The following CLSTN2 variants were observed in gnomAD, a reference collection of about 807,000 sequenced individuals.
CLSTN2 encodes the protein calsyntenin 2, also known as calsyntenin-2.
A neutral mutation model predicts 101.2 loss-of-function variants in CLSTN2; 48 were observed. That is an observed-to-expected ratio of 0.47 (90% confidence interval 0.38 to 0.60). The LOEUF is 0.60. Ranked by LOEUF, CLSTN2 falls within the 20% of genes least tolerant of loss-of-function variation. The pLI is 0.00. For missense variants in CLSTN2, 1,160 were observed against 1,238.2 expected, an observed-to-expected ratio of 0.94 and a Z score of 0.95; for synonymous variants, 481 against 463.6, an observed-to-expected ratio of 1.04 and a Z score of -0.48.
intron 1 of CLSTN2, among the ~76,000 whole-genome samples, chr3:140,023,820 C>G (rs1317814475): frequency 2.0e-5 from 3 of 152,178 alleles, no homozygotes; most frequent in Non-Finnish European, 4.4e-5. Flanking sequence ...TGCTTCTTGG[C>G]AGGAGTCTGG....
intron 2 of CLSTN2, among the ~76,000 whole-genome samples, chr3:140,295,735 A>T (rs1198898322): frequency 6.6e-6 from 1 of 152,216 alleles, no homozygotes; most frequent in Non-Finnish European, 1.5e-5. Context: ...ACTCAGGACG[A>T]CCATTGCCTT....
chr3:140,124,872 A>C (rs2009404442), intron 1 of CLSTN2, among the ~76,000 whole-genome samples: 1 of 152,306 alleles, frequency 6.6e-6, no homozygotes, highest in South Asian at 2.1e-4. Context: ...GGGGACAAGG[A>C]CCAAGTCTTT....
chr3:140,179,850 A>G (rs1174158615), intron 2 of CLSTN2, among the ~76,000 whole-genome samples: 1 of 152,026 alleles, frequency 6.6e-6, no homozygotes, highest in Non-Finnish European at 1.5e-5. Flanking sequence ...ATGTGTCCAC[A>G]TTTCAGATTC....
chr3:140,170,733 C>A (rs1388140404), intron 1 of CLSTN2, among the ~76,000 whole-genome samples: 2 of 152,144 alleles, frequency 1.3e-5, no homozygotes, highest in Non-Finnish European at 2.9e-5. Context: ...TGTCACTGCC[C>A]AGCAAGCAGG....
chr3:140,283,807 T>C (rs1487914434), intron 2 of CLSTN2, among the ~76,000 whole-genome samples: 1 of 152,228 alleles, frequency 6.6e-6, no homozygotes, highest in African/African-American at 2.4e-5. Flanking sequence ...TAATGTTCTC[T>C]GCTCAATCAG....
At chr3:139,957,051 T>A (rs1935419251) in intron 1 of CLSTN2, among the ~76,000 whole-genome samples, 1 of 152,166 alleles carries the variant, frequency 6.6e-6, no homozygotes, top group Non-Finnish European at 1.5e-5. Flanking sequence ...ACTAGCAAGC[T>A]GACAGATTAA....
chr3:140,563,888 T>C (rs1559906163), intron 15 of CLSTN2, 73 bp from the exon 16 acceptor site: 2 of 1,470,212 alleles, frequency 1.4e-6, no homozygotes, highest in Non-Finnish European at 1.9e-6. Context: ...CACGGATGTT[T>C]CATTCATGCT....
intron 1 of CLSTN2, among the ~76,000 whole-genome samples, chr3:140,146,348 A>G (rs1022619024): frequency 6.6e-6 from 1 of 152,268 alleles, no homozygotes; most frequent in Non-Finnish European, 1.5e-5. Flanking sequence ...TAGGAAAAGG[A>G]TATTGTAGAA....
intron 5 of CLSTN2, 98 bp from the exon 6 acceptor site, chr3:140,448,421 C>G: frequency 9.9e-7 from 1 of 1,014,502 alleles, no homozygotes; most frequent in African/African-American, 1.6e-5. Context: ...TGTGTTGGGG[C>G]AAATAATTCG....
At chr3:140,114,945 C>T (rs769726514) in intron 1 of CLSTN2, among the ~76,000 whole-genome samples, 13 of 152,202 alleles carry the variant, frequency 8.5e-5, no homozygotes, top group South Asian at 2.1e-4. Context: ...CTGCAGTCTC[C>T]CTTCTGCCTT....
chr3:139,988,181 T>G (rs1274984776), intron 1 of CLSTN2, among the ~76,000 whole-genome samples: 1 of 152,204 alleles, frequency 6.6e-6, no homozygotes, highest in Non-Finnish European at 1.5e-5. Flanking sequence ...GTTTCCCCTT[T>G]CAGGGAAGCT....
chr3:140,524,748 C>A (rs887775181), intron 8 of CLSTN2, among the ~76,000 whole-genome samples: 1 of 152,178 alleles, frequency 6.6e-6, no homozygotes, highest in African/African-American at 2.4e-5. Flanking sequence ...ACTAAGCACA[C>A]TCTCAAGACT....
intron 6 of CLSTN2, among the ~76,000 whole-genome samples, chr3:140,456,785 AAAAATAAAAT>A (rs1218517011): frequency 8.0e-6 from 1 of 125,096 alleles, no homozygotes; most frequent in Non-Finnish European, 1.7e-5. Flanking sequence ...AGTCCGTCTC[AAAAATAAAAT>A]AAAATAAAAT....
chr3:140,125,594 G>C (rs1301439084), intron 1 of CLSTN2, among the ~76,000 whole-genome samples: 1 of 152,114 alleles, frequency 6.6e-6, no homozygotes, highest in Non-Finnish European at 1.5e-5. Flanking sequence ...GTTTTAAATA[G>C]AGAGGAAGGT....
chr3:140,225,128 T>C (rs2107855571), intron 2 of CLSTN2, among the ~76,000 whole-genome samples: 1 of 152,326 alleles, frequency 6.6e-6, no homozygotes, highest in East Asian at 1.9e-4. Flanking sequence ...GCTCGGAGCA[T>C]AGGCTCACAC....
chr3:140,462,901 C>T (rs1176117587), intron 7 of CLSTN2: 1 of 152,230 alleles, frequency 6.6e-6, no homozygotes, highest in Non-Finnish European at 1.5e-5. Context: ...TAGAAAGTAG[C>T]ATGTTTGACT....
chr3:140,476,505 AC>A (rs1933986892), intron 8 of CLSTN2, among the ~76,000 whole-genome samples: 1 of 152,196 alleles, frequency 6.6e-6, no homozygotes, highest in South Asian at 2.1e-4. Context: ...GGTAAAAGGC[AC>A]CAGTCTTAAC....
At chr3:140,221,297 T>C (rs1369409355) in intron 2 of CLSTN2, among the ~76,000 whole-genome samples, 1 of 152,234 alleles carries the variant, frequency 6.6e-6, no homozygotes, top group East Asian at 1.9e-4. Context: ...TCTTACTTAA[T>C]GTGAACGTGT....
chr3:140,427,810 G>T (rs977091749), intron 5 of CLSTN2, among the ~76,000 whole-genome samples: 9 of 152,120 alleles, frequency 5.9e-5, no homozygotes, highest in African/African-American at 2.2e-4. Context: ...ACATGAGTAA[G>T]TTCTTGAGTT....
Sources: gnomAD v4.1 joint callset for allele counts (sites outside exome capture counted in the v4.1 genomes callset) on GRCh38, gnomAD v4.1.1 for gene constraint, MANE v1.5 for transcripts, NCBI Gene and HGNC (gene_info 2026-07-23, HGNC 2026-07-21) for gene names.